Variants in VPS54 observed in about 807,000 individuals in gnomAD.
VPS54 encodes VPS54 subunit of GARP complex, also known as vacuolar protein sorting-associated protein 54.
Under a neutral mutation model 121.5 loss-of-function variants are expected in VPS54, and 45 were observed. The ratio of observed to expected loss-of-function variants is 0.37; its 90% CI spans 0.29 to 0.47. The LOEUF is 0.47. Ranked by LOEUF, VPS54 falls within the 20% of genes least tolerant of loss-of-function variation. The pLI, the probability that VPS54 is intolerant of heterozygous loss-of-function variation, is 0.99. For synonymous variants in VPS54, 371 were observed against 385.8 expected, an observed-to-expected ratio of 0.96 and a Z score of 0.45; for missense variants, 1,090 against 1,131.4, an observed-to-expected ratio of 0.96 and a Z score of 0.52.
chr2:63,984,959 TA>T (rs554346049), intron 1 of VPS54, among the ~76,000 whole-genome samples: 1 of 151,922 alleles, frequency 6.6e-6, no homozygotes, highest in African/African-American at 2.4e-5. Flanking sequence ...TTAACAAGTC[TA>T]AAAAAACAAA....
rs192069632 is a variant in VPS54, at chr2:63,951,321, T to C, written c.1011-2158A>G. On this transcript the variant is annotated intron_variant, in intron 7 of 22. Transcript: ENST00000272322. Reference sequence around the variant, plus strand: ...AAATGTCATGACTTCTCTCTGCTTCTTGGGAGTACTTCCAGCATCACCAGT... The same window carrying C: ...AAATGTCATGACTTCTCTCTGCTTCCTGGGAGTACTTCCAGCATCACCAGT... 3.5e-4 allele frequency among the ~76,000 whole-genome samples: 53 copies of C among 152,128 alleles called. 1 individual carries two copies. The highest frequency in any genetic ancestry group is 1.2e-3 in the African/African-American group (49 of 41,502).
At chr2:63,917,638 G>A (rs1188240824) in intron 15 of VPS54, among the ~76,000 whole-genome samples, 3 of 151,932 alleles carry the variant, frequency 2.0e-5, no homozygotes, top group East Asian at 1.9e-4. Context: ...TTTAGGATTT[G>A]TAAATATATT....
intron 1 of VPS54, among the ~76,000 whole-genome samples, chr2:63,994,773 G>A (rs1677500571): frequency 6.6e-6 from 1 of 151,950 alleles, no homozygotes; most frequent in African/African-American, 2.4e-5. Context: ...AAATTTTGAG[G>A]GCCCATCTAA....
At chr2:63,975,459 T>C (rs75749047) in intron 3 of VPS54, 3 of 157,582 alleles carry the variant, frequency 1.9e-5, no homozygotes, top group East Asian at 3.6e-4. Context: ...AACTGGAGAC[T>C]ACAAGATTCT....
intron 6 of VPS54, among the ~76,000 whole-genome samples, chr2:63,964,299 A>G (rs1675891886): frequency 6.6e-6 from 1 of 152,240 alleles, no homozygotes; most frequent in African/African-American, 2.4e-5. Context: ...TCAGCATAAG[A>G]AAAGCATTTG....
At chr2:63,975,841 G>A (rs1332527832) in intron 3 of VPS54, among the ~76,000 whole-genome samples, 1 of 152,204 alleles carries the variant, frequency 6.6e-6, no homozygotes, top group Non-Finnish European at 1.5e-5. Context: ...TGCCTAGCCA[G>A]CAGCAGGCAA....
chr2:63,945,111 C>T (rs1674918164), intron 9 of VPS54, among the ~76,000 whole-genome samples: 1 of 152,132 alleles, frequency 6.6e-6, no homozygotes, highest in African/African-American at 2.4e-5. Flanking sequence ...TAGCACTATT[C>T]ACAATAGCAA....
intron 20 of VPS54, among the ~76,000 whole-genome samples, chr2:63,901,113 C>T (rs984229219): frequency 6.6e-6 from 1 of 152,166 alleles, no homozygotes; most frequent in African/African-American, 2.4e-5. Flanking sequence ...CCATTCTAAT[C>T]GTATGATTAA....
chr2:63,974,924 A>C (rs534043819), intron 3 of VPS54: 7 of 1,446,862 alleles, frequency 4.8e-6, no homozygotes, highest in Non-Finnish European at 6.5e-6. Context: ...TCCTTTTCTT[A>C]TTACATTAGT....
intron 3 of VPS54, among the ~76,000 whole-genome samples, chr2:63,973,555 C>A (rs186290725): frequency 6.6e-6 from 1 of 151,988 alleles, no homozygotes; most frequent in Admixed American, 6.6e-5. Context: ...ATTTTTGGTA[C>A]CAGTCCCTTT....
intron 1 of VPS54, among the ~76,000 whole-genome samples, chr2:64,006,388 AACG>A (rs1447585604): frequency 6.6e-6 from 1 of 152,232 alleles, no homozygotes; most frequent in African/African-American, 2.4e-5. Context: ...TTCCTTGTAA[AACG>A]ATATACTAGT....
intron 21 of VPS54, among the ~76,000 whole-genome samples, chr2:63,898,688 G>C (rs983845396): frequency 6.6e-6 from 1 of 151,402 alleles, no homozygotes; most frequent in African/African-American, 2.4e-5. Flanking sequence ...CTCAGTGAAA[G>C]TTAAATTCAT....
intron 7 of VPS54, among the ~76,000 whole-genome samples, chr2:63,954,933 T>G (rs1264162385): frequency 6.6e-6 from 1 of 152,008 alleles, no homozygotes; most frequent in Non-Finnish European, 1.5e-5. Flanking sequence ...ATCAACCAAT[T>G]GCAATATATA....
At chr2:63,939,398 G>C (rs62136402) in intron 11 of VPS54, among the ~76,000 whole-genome samples, 11,130 of 151,832 alleles carry the variant, frequency 0.073, 815 homozygotes, top group African/African-American at 0.19. Context: ...CAAAAAAAGC[G>C]TAATACTAAA....
chr2:63,920,170 A>T (rs369845790), intron 14 of VPS54, among the ~76,000 whole-genome samples, 175 bp from the exon 15 acceptor site: 1 of 152,142 alleles, frequency 6.6e-6, no homozygotes, highest in East Asian at 1.9e-4. Context: ...TCTCAGCCTA[A>T]TCAAAAAGAA....
chr2:63,956,513 T>C (rs1167039057), intron 7 of VPS54, among the ~76,000 whole-genome samples: 2 of 152,192 alleles, frequency 1.3e-5, no homozygotes, highest in East Asian at 3.9e-4. Flanking sequence ...CCACAGTTTG[T>C]ACAATCAAAT....
intron 7 of VPS54, among the ~76,000 whole-genome samples, chr2:63,960,766 T>A (rs1022295114): frequency 2.6e-5 from 4 of 152,112 alleles, no homozygotes. Context: ...CAAAGATAAA[T>A]CCTTATAATT....
At chr2:63,921,046 T>G (rs1673618083) in intron 13 of VPS54, among the ~76,000 whole-genome samples, 160 bp downstream of exon 13, 1 of 152,186 alleles carries the variant, frequency 6.6e-6, no homozygotes, top group African/African-American at 2.4e-5. Context: ...TTACTTCATA[T>G]CTCAACATCT....
chr2:63,907,114 T>C (rs1335321638), intron 20 of VPS54, among the ~76,000 whole-genome samples: 1 of 152,160 alleles, frequency 6.6e-6, no homozygotes, highest in Non-Finnish European at 1.5e-5. Context: ...ACTTATACTT[T>C]GCATTATATA....
Sources: gnomAD v4.1 joint callset for allele counts (sites outside exome capture counted in the v4.1 genomes callset) on GRCh38, gnomAD v4.1.1 for gene constraint, MANE v1.5 for transcripts, NCBI Gene and HGNC (gene_info 2026-07-23, HGNC 2026-07-21) for gene names.